Variants in CTNNA2 observed in about 807,000 individuals in gnomAD.
The protein encoded by CTNNA2 is catenin alpha 2.
In CTNNA2, 42 loss-of-function variants were observed where a neutral mutation model predicts 101.0. The ratio of observed to expected loss-of-function variants is 0.42; its 90% CI spans 0.32 to 0.54. The LOEUF (loss-of-function observed/expected upper bound fraction) is 0.54. Ranked by LOEUF, CTNNA2 falls within the 20% of genes least tolerant of loss-of-function variation. The pLI is 0.14. For synonymous variants in CTNNA2, 450 were observed against 456.4 expected (o/e 0.99, Z 0.18); for missense variants, 871 against 1,223.1 (o/e 0.71, Z 4.29).
At chr2:79,837,066 A>T (rs1293383716) in intron 3 of CTNNA2, among the ~76,000 whole-genome samples, 2 of 152,192 alleles carry the variant, frequency 1.3e-5, no homozygotes, top group Non-Finnish European at 2.9e-5. Context: ...ATACAATTAA[A>T]CCCATTTGAA....
intron 7 of CTNNA2, among the ~76,000 whole-genome samples, chr2:80,060,982 C>T (rs1052949097): frequency 1.3e-5 from 2 of 152,084 alleles, no homozygotes; most frequent in Non-Finnish European, 2.9e-5. Flanking sequence ...CTGAGAACTA[C>T]CCCCTGGAAT....
At chr2:79,990,330 A>G (rs1692080789) in intron 7 of CTNNA2, among the ~76,000 whole-genome samples, 1 of 152,146 alleles carries the variant, frequency 6.6e-6, no homozygotes, top group Non-Finnish European at 1.5e-5. Flanking sequence ...AGTAGGATAG[A>G]GGGGAAGAAA....
At position 79,301,971 on chromosome 2, in the gene CTNNA2, T is replaced by C. The variant is rs367774755; in HGVS notation, c.-405-10738T>C. On this transcript the variant is annotated intron_variant, in intron 2 of 21. Coordinates refer to the CTNNA2 transcript ENST00000466387. ...AGCTGGGTGTGGTGGCGGGCTCCTG[T>C]AATCCCAGCTACTCAGAAGGTTGAG... 7.2e-5 allele frequency among the ~76,000 whole-genome samples: 11 copies of C among 152,122 alleles called. No individual in the cohort carries two copies. In the East Asian group the frequency reaches 1.9e-3, roughly 27 times the overall value.
intron 9 of CTNNA2, among the ~76,000 whole-genome samples, chr2:80,458,503 T>C (rs889166266): frequency 1.3e-5 from 2 of 152,200 alleles, no homozygotes; most frequent in Non-Finnish European, 2.9e-5. Context: ...AAAATACGTA[T>C]TTATATTTGT....
At chr2:79,378,639 C>T (rs1678005237) in intron 4 of CTNNA2, among the ~76,000 whole-genome samples, 1 of 152,084 alleles carries the variant, frequency 6.6e-6, no homozygotes, top group South Asian at 2.1e-4. Context: ...ATAATATTTG[C>T]TCCTGAGTAT....
Position 80,350,230 on chromosome 2 carries a change from C to A in CTNNA2, c.1057-42981C>A, listed in dbSNP as rs999392289. ...TGACAGAAAGTTTGGAATCCTTGGCCCTGAACACTAAATGCCCATAGTGCC... is the reference window on the plus strand; with the variant it reads ...TGACAGAAAGTTTGGAATCCTTGGCACTGAACACTAAATGCCCATAGTGCC... On this transcript the variant is annotated intron_variant, in intron 7 of 18. Transcript: ENST00000402739. 2.0e-5 allele frequency among the ~76,000 whole-genome samples: 3 copies of A among 152,016 alleles called. No homozygotes were observed. The East Asian group carries it at 5.8e-4, about 29-fold the overall frequency.
chr2:80,625,599 A>G (rs1671600970), intron 18 of CTNNA2, among the ~76,000 whole-genome samples: 1 of 152,074 alleles, frequency 6.6e-6, no homozygotes, highest in African/African-American at 2.4e-5. Context: ...GCTAGTTATA[A>G]CAGGGAATAT....
chr2:79,435,637 CA>C (rs1678704761), intron 4 of CTNNA2, among the ~76,000 whole-genome samples: 1 of 152,136 alleles, frequency 6.6e-6, no homozygotes, highest in African/African-American at 2.4e-5. Flanking sequence ...GTCCTTTCCC[CA>C]CAAAATATAA....
At position 80,218,319 on chromosome 2, in the gene CTNNA2, A is replaced by G. The variant is rs534584188; in HGVS notation, c.1057-174892A>G. ...CTGAGGGGGCAGAGATATTTGCTCA[A>G]TCAACAAGGTGACAGCTCTTACAGT... On this transcript the variant is annotated intron_variant, in intron 7 of 18. Coordinates refer to ENST00000402739, the MANE Select transcript of CTNNA2 (RefSeq NM_001282597.3). 3.2e-4 allele frequency among the ~76,000 whole-genome samples: 49 copies of G among 152,360 alleles called. No individual in the cohort carries two copies. In the South Asian group the frequency reaches 7.9e-3, roughly 24 times the overall value.
At chr2:80,604,977 C>G (rs1215235166) in intron 16 of CTNNA2, among the ~76,000 whole-genome samples, 1 of 151,938 alleles carries the variant, frequency 6.6e-6, no homozygotes, top group Non-Finnish European at 1.5e-5. Flanking sequence ...GGCTCTCACT[C>G]TAATGATATT....
intron 3 of CTNNA2, among the ~76,000 whole-genome samples, chr2:79,368,138 A>G (rs916939417): frequency 2.6e-5 from 4 of 152,242 alleles, no homozygotes; most frequent in African/African-American, 9.6e-5. Context: ...AGTACTCTTC[A>G]TCATGCACTT....
chr2:79,570,194 C>A (rs1675375432), intron 1 of CTNNA2, among the ~76,000 whole-genome samples: 1 of 152,090 alleles, frequency 6.6e-6, no homozygotes, highest in Non-Finnish European at 1.5e-5. Context: ...TCTTGAAAAG[C>A]TTTCAGGAAT....
chr2:80,256,322 C>T (rs1672142097), intron 7 of CTNNA2, among the ~76,000 whole-genome samples: 1 of 152,128 alleles, frequency 6.6e-6, no homozygotes, highest in Non-Finnish European at 1.5e-5. Flanking sequence ...TATTTTCAGT[C>T]TCACACTGAA....
At chr2:79,280,657 A>AGAGACAGAGAG (rs1334847406) in intron 2 of CTNNA2, among the ~76,000 whole-genome samples, 1 of 50,272 alleles carries the variant, frequency 2.0e-5, no homozygotes, top group Non-Finnish European at 3.8e-5. Flanking sequence ...GTGTGTGTGT[A>AGAGACAGAGAG]AGAGAAAGAG....
chr2:80,496,895 A>C (rs2149526342), intron 9 of CTNNA2, among the ~76,000 whole-genome samples: 1 of 152,280 alleles, frequency 6.6e-6, no homozygotes, highest in East Asian at 1.9e-4. Flanking sequence ...ACTGCTACTA[A>C]ATTTAAAGGA....
chr2:80,061,917 A>G (rs1485317170), intron 7 of CTNNA2, among the ~76,000 whole-genome samples: 1 of 152,238 alleles, frequency 6.6e-6, no homozygotes. Flanking sequence ...CATGGGGGCA[A>G]ACTACTGAAA....
intron 7 of CTNNA2, among the ~76,000 whole-genome samples, chr2:79,976,212 G>C (rs1690830465): frequency 2.0e-5 from 3 of 152,162 alleles, no homozygotes; most frequent in Non-Finnish European, 2.9e-5. Context: ...GCATGTGTCT[G>C]TAATAATTCC....
At chr2:79,447,830 A>G (rs957185867) in intron 4 of CTNNA2, among the ~76,000 whole-genome samples, 1 of 152,042 alleles carries the variant, frequency 6.6e-6, no homozygotes, top group Non-Finnish European at 1.5e-5. Flanking sequence ...TCCCATTACC[A>G]TATGGAAACT....
intron 4 of CTNNA2, among the ~76,000 whole-genome samples, chr2:79,384,422 CTCTCT>C (rs1678075061): frequency 9.7e-6 from 1 of 103,492 alleles, no homozygotes; most frequent in African/African-American, 3.4e-5. Context: ...CTCTCTCTCT[CTCTCT>C]CTCTCTCACT....
Sources: allele counts gnomAD v4.1 joint callset (sites outside exome capture counted in the v4.1 genomes callset), GRCh38; gene constraint gnomAD v4.1.1; transcripts MANE v1.5; gene names NCBI Gene and HGNC (gene_info 2026-07-23, HGNC 2026-07-21).